The following OPCML variants were observed in gnomAD, a reference collection of about 807,000 sequenced individuals.
OPCML encodes the protein opioid binding protein/cell adhesion molecule like.
A neutral mutation model predicts 37.8 loss-of-function variants in OPCML; 13 were observed. That is an observed-to-expected ratio of 0.34 (90% CI 0.22 to 0.55). The LOEUF (loss-of-function observed/expected upper bound fraction) is 0.55. Ranked by LOEUF, OPCML falls within the 20% of genes least tolerant of loss-of-function variation. The pLI is 0.91. For missense variants in OPCML, 341 were observed against 435.6 expected, an observed-to-expected ratio of 0.78 and a Z score of 1.93; for synonymous variants, 176 against 168.8, an observed-to-expected ratio of 1.04 and a Z score of -0.33.
At chr11:132,777,093 C>A (rs1211688338) in intron 2 of OPCML, among the ~76,000 whole-genome samples, 1 of 152,174 alleles carries the variant, frequency 6.6e-6, no homozygotes, top group Admixed American at 6.5e-5. Context: ...AAATTATAAG[C>A]TCCTTAAGGA....
At chr11:133,513,744 C>T (rs961542918) in intron 1 of OPCML, among the ~76,000 whole-genome samples, 3 of 152,192 alleles carry the variant, frequency 2.0e-5, no homozygotes, top group African/African-American at 7.2e-5. Flanking sequence ...ATACCTGTTG[C>T]ATAATGACCT....
chr11:133,456,291 A>G (rs1029656611), intron 1 of OPCML, among the ~76,000 whole-genome samples: 4 of 152,134 alleles, frequency 2.6e-5, no homozygotes, highest in African/African-American at 9.7e-5. Context: ...TTATTTTTAA[A>G]TCTCACACAG....
intron 1 of OPCML, among the ~76,000 whole-genome samples, chr11:133,335,044 T>A (rs1199755002): frequency 6.6e-6 from 1 of 152,198 alleles, no homozygotes; most frequent in Non-Finnish European, 1.5e-5. Flanking sequence ...GCTGGCTACT[T>A]TGCCGGGGGC....
chr11:132,718,229 C>T (rs1302763245), intron 2 of OPCML, among the ~76,000 whole-genome samples: 4 of 152,098 alleles, frequency 2.6e-5, no homozygotes, highest in South Asian at 4.2e-4. Flanking sequence ...GAGCTCAAGC[C>T]GTGGAGCAGA....
At chr11:132,999,346 G>A (rs77056479) in intron 1 of OPCML, among the ~76,000 whole-genome samples, 16 of 151,898 alleles carry the variant, frequency 1.1e-4, no homozygotes, top group African/African-American at 3.9e-4. Context: ...ACACAGACTC[G>A]GTTTGGGGAT....
chr11:133,458,201 C>CAT (rs1418022677), intron 1 of OPCML, among the ~76,000 whole-genome samples: 14 of 129,254 alleles, frequency 1.1e-4, no homozygotes, highest in African/African-American at 4.5e-4. Context: ...CATATATACA[C>CAT]GTGTGTGTAT....
chr11:133,374,884 C>T (rs1277852668), intron 1 of OPCML, among the ~76,000 whole-genome samples: 3 of 152,246 alleles, frequency 2.0e-5, no homozygotes, highest in African/African-American at 4.8e-5. Flanking sequence ...CACATTGGGT[C>T]GGCGGCAGCT....
At chr11:132,601,428 C>T (rs940598568) in intron 3 of OPCML, among the ~76,000 whole-genome samples, 1 of 152,154 alleles carries the variant, frequency 6.6e-6, no homozygotes, top group African/African-American at 2.4e-5. Flanking sequence ...CTTGCTTTCC[C>T]TAGAAATGCA....
chr11:132,468,576 C>G (rs567630732), intron 4 of OPCML, among the ~76,000 whole-genome samples: 1 of 152,138 alleles, frequency 6.6e-6, no homozygotes. Context: ...AAATCTTTAG[C>G]CTTTTTTAAA....
chr11:132,533,197 T>A (rs2096330920), intron 3 of OPCML, among the ~76,000 whole-genome samples: 1 of 152,196 alleles, frequency 6.6e-6, no homozygotes, highest in Non-Finnish European at 1.5e-5. Flanking sequence ...TCCCTGCTGG[T>A]GCTGCAGGTA....
chr11:132,601,442 A>C (rs537015906), intron 3 of OPCML, among the ~76,000 whole-genome samples: 8 of 152,278 alleles, frequency 5.3e-5, no homozygotes, highest in Non-Finnish European at 1.2e-4. Context: ...AAATGCACTC[A>C]TTTGTCAAAA....
At chr11:133,286,387 GT>G (rs1301851598) in intron 1 of OPCML, among the ~76,000 whole-genome samples, 1 of 148,934 alleles carries the variant, frequency 6.7e-6, no homozygotes, top group Non-Finnish European at 1.5e-5. Flanking sequence ...GGAGAATGGC[GT>G]GAACCCGGGA....
intron 1 of OPCML, among the ~76,000 whole-genome samples, chr11:133,101,406 C>G (rs1208538618): frequency 6.6e-6 from 1 of 152,082 alleles, no homozygotes. Flanking sequence ...AAACTATTAT[C>G]CAAAATATAG....
intron 3 of OPCML, among the ~76,000 whole-genome samples, chr11:132,541,225 C>T (rs115268157): frequency 0.015 from 2,323 of 152,252 alleles, 53 homozygotes; most frequent in African/African-American, 0.048. Context: ...TCCGGCCTTC[C>T]TGGAGCGAGT....
At chr11:133,492,977 AAGG>A (rs140268229) in intron 1 of OPCML, among the ~76,000 whole-genome samples, 1 of 152,294 alleles carries the variant, frequency 6.6e-6, no homozygotes, top group East Asian at 1.9e-4. Flanking sequence ...ACCACGAGGC[AAGG>A]AGAAGGGTTC....
rs536739430 is a variant in OPCML at position 132,964,688 on chromosome 11, C to T, written c.62-21678G>A. ...AGGCTCTGCCAAACGTCCACTCCTC[C>T]GTGACCTTACAGTTGGCACCAGGGT... On this transcript the variant is annotated intron_variant, in intron 1 of 7. Transcript: ENST00000524381. Among the ~76,000 whole-genome samples the T allele has an allele frequency of 2.6e-4, 39 of 152,316 alleles. No individual in the cohort carries two copies. In the East Asian group the frequency reaches 2.7e-3, roughly 11 times the overall value.
chr11:132,574,231 CTCTAA>C (rs1403789650), intron 3 of OPCML, among the ~76,000 whole-genome samples: 1 of 141,870 alleles, frequency 7.0e-6, no homozygotes, highest in African/African-American at 2.6e-5. Flanking sequence ...TTTATTTCTG[CTCTAA>C]TCTTTGTGTT....
At chr11:133,221,326 C>T (rs935010290) in intron 1 of OPCML, among the ~76,000 whole-genome samples, 35 of 152,086 alleles carry the variant, frequency 2.3e-4, no homozygotes, top group African/African-American at 7.5e-4. Flanking sequence ...CTCATGCTCC[C>T]TGATCATTTC....
intron 1 of OPCML, among the ~76,000 whole-genome samples, chr11:133,391,671 C>T (rs955722900): frequency 2.2e-4 from 33 of 152,222 alleles, no homozygotes; most frequent in African/African-American, 7.7e-4. Flanking sequence ...CTACAGAATG[C>T]ATTACAAGGC....
Sources: gnomAD v4.1 joint callset for allele counts (sites outside exome capture counted in the v4.1 genomes callset) on GRCh38, gnomAD v4.1.1 for gene constraint, MANE v1.5 for transcripts, NCBI Gene and HGNC (gene_info 2026-07-23, HGNC 2026-07-21) for gene names.